Variants in TMEM51 observed in about 807,000 individuals in gnomAD.
The protein encoded by TMEM51 is chromosome 1 open reading frame 72.
A neutral mutation model predicts 13.6 loss-of-function variants in TMEM51; 8 were observed. The observed-to-expected ratio is 0.59, with a 90% CI of 0.35 to 1.07. The LOEUF (loss-of-function observed/expected upper bound fraction) is 1.07. Ranked by LOEUF, TMEM51 falls within the 50% of genes least tolerant of loss-of-function variation. The pLI, the probability that TMEM51 is intolerant of heterozygous loss-of-function variation, is 0.02. For synonymous variants in TMEM51, 147 were observed against 144.4 expected (o/e 1.02, Z -0.13); for missense variants, 279 against 330.7 (o/e 0.84, Z 1.21).
chr1:15,176,336 G>C (rs567205135), intron 1 of TMEM51, among the ~76,000 whole-genome samples: 2 of 152,332 alleles, frequency 1.3e-5, no homozygotes, highest in East Asian at 3.9e-4. Context: ...TTTAGTTAGA[G>C]AGAGAAAGCG....
chr1:15,188,144 G>A lies in TMEM51; in HGVS notation c.-266-22346G>A, dbSNP rs537441399. 6.9e-4 allele frequency among the ~76,000 whole-genome samples: 105 copies of A among 152,344 alleles called. 3 individuals carry two copies. The highest frequency in any genetic ancestry group is 6.8e-3 in the Admixed American group (104 of 15,306). On this transcript the variant is annotated intron_variant, in intron 1 of 3. Coordinates refer to ENST00000376008, the MANE Select transcript of TMEM51 (RefSeq NM_001136218.2). ...TCTGGGTCCAGTGGTACCCTCTGGA[G>A]TTTCTCTGAATCTCCACCTCGGCTC...
At chr1:15,164,659 A>C (rs1195582119) in intron 1 of TMEM51, among the ~76,000 whole-genome samples, 1 of 152,028 alleles carries the variant, frequency 6.6e-6, no homozygotes, top group Admixed American at 6.6e-5. Flanking sequence ...TATAAAAGAG[A>C]TTATTGAAAC....
At chr1:15,176,886 C>A (rs1188058840) in intron 1 of TMEM51, among the ~76,000 whole-genome samples, 1 of 152,102 alleles carries the variant, frequency 6.6e-6, no homozygotes, top group African/African-American at 2.4e-5. Flanking sequence ...ATCAGCCAGG[C>A]CTGAGAAGTG....
chr1:15,174,313 G>T (rs1396037739), intron 1 of TMEM51, among the ~76,000 whole-genome samples: 2 of 152,090 alleles, frequency 1.3e-5, no homozygotes, highest in Non-Finnish European at 2.9e-5. Context: ...CTTGATCGTG[G>T]CTCACTACAG....
At chr1:15,215,544 T>A in intron 3 of TMEM51, 113 bp downstream of exon 3, 1 of 1,061,588 alleles carries the variant, frequency 9.4e-7, no homozygotes. Flanking sequence ...GGCTTTATTG[T>A]CCCATGTTCG....
At chr1:15,154,873 G>GGC (rs1420004638) in intron 1 of TMEM51, among the ~76,000 whole-genome samples, 3 of 151,928 alleles carry the variant, frequency 2.0e-5, no homozygotes, top group Admixed American at 1.3e-4. Flanking sequence ...TGGGAACCCG[G>GGC]GCGCTGCCGG....
At chr1:15,168,534 C>A in intron 1 of TMEM51, 1 of 1,304,752 alleles carries the variant, frequency 7.7e-7, no homozygotes, top group Non-Finnish European at 1.0e-6. Context: ...CTGGTAGAAC[C>A]ACTGATTTAA....
At chr1:15,178,916 T>C (rs1203757800) in intron 1 of TMEM51, among the ~76,000 whole-genome samples, 1 of 152,238 alleles carries the variant, frequency 6.6e-6, no homozygotes, top group African/African-American at 2.4e-5. Flanking sequence ...GTTATCTCCA[T>C]GGGCTTTTAG....
At chr1:15,158,060 TG>T (rs2100806953) in intron 1 of TMEM51, among the ~76,000 whole-genome samples, 1 of 152,326 alleles carries the variant, frequency 6.6e-6, no homozygotes, top group Non-Finnish European at 1.5e-5. Flanking sequence ...CCCAAAGTGC[TG>T]GGATTCCAGG....
chr1:15,166,374 G>A (rs2100824751), intron 1 of TMEM51, among the ~76,000 whole-genome samples: 1 of 152,292 alleles, frequency 6.6e-6, no homozygotes, highest in East Asian at 1.9e-4. Context: ...AGGAAGCTGA[G>A]ATAGGAGCAT....
At chr1:15,171,894 T>A (rs1025609049) in intron 1 of TMEM51, among the ~76,000 whole-genome samples, 2 of 152,064 alleles carry the variant, frequency 1.3e-5, no homozygotes. Context: ...CAGAAACAGA[T>A]GTGGTCCATC....
Position 15,160,521 on chromosome 1 carries a change from G to C in TMEM51, c.-267+6567G>C, listed in dbSNP as rs542010805. 2.4e-4 allele frequency among the ~76,000 whole-genome samples: 37 copies of C among 152,096 alleles called. 1 individual carries two copies. The highest frequency in any genetic ancestry group is 8.9e-4 in the African/African-American group (37 of 41,382). The stretch of plus-strand genomic sequence containing the variant: ...ACTCCTGACCTCAAGTGATCCACCT[G>C]CCTCAGCCTCTCAAAGTGCTAGGAT... On this transcript the variant is annotated intron_variant, in intron 1 of 3. Coordinates refer to ENST00000376008, the MANE Select transcript of TMEM51 (RefSeq NM_001136218.2).
intron 1 of TMEM51, among the ~76,000 whole-genome samples, chr1:15,193,115 C>T (rs867456527): frequency 2.0e-5 from 3 of 152,198 alleles, no homozygotes; most frequent in Non-Finnish European, 4.4e-5. Flanking sequence ...CGTAGCAGCC[C>T]GCAGAGGGCC....
Position 15,214,874 on chromosome 1 carries a change from CTCTT to C in TMEM51, c.-193-17_-193-14del. The C allele has an allele frequency of 1.7e-6, 1 of 577,184 alleles. No homozygotes were observed. Among genetic ancestry groups the C allele is most frequent in the African/African-American group, 1.9e-5 (1 of 53,678 alleles). 35.8% of individuals were successfully genotyped at this position (577,184 alleles called of 1,614,324 possible). On this transcript the variant is annotated splice_polypyrimidine_tract_variant and intron_variant, in intron 2 of 3. Transcript: ENST00000376008. ...GAATCGGAACTGATCGTCCTCTCTGCTCTTTCTGCTTTCCTTCCAGGCCCTTCCA... is the reference window on the plus strand; with the variant it reads ...GAATCGGAACTGATCGTCCTCTCTGCTCTGCTTTCCTTCCAGGCCCTTCCA...
At chr1:15,205,964 A>C (rs1220823217) in intron 1 of TMEM51, among the ~76,000 whole-genome samples, 1 of 152,206 alleles carries the variant, frequency 6.6e-6, no homozygotes, top group Non-Finnish European at 1.5e-5. Context: ...GTTCAGGTCC[A>C]GTAGCTCATG....
intron 1 of TMEM51, chr1:15,164,235 C>T (rs1257531453): frequency 2.4e-6 from 1 of 415,940 alleles, no homozygotes; most frequent in East Asian, 7.2e-5. Flanking sequence ...GGATTTCCCA[C>T]TGCATTTTTA....
intron 1 of TMEM51, among the ~76,000 whole-genome samples, chr1:15,170,273 T>TCCTCCTTTC (rs968528898): frequency 6.6e-6 from 1 of 151,796 alleles, no homozygotes; most frequent in African/African-American, 2.4e-5. Context: ...CAAGCCAACT[T>TCCTCCTTTC]CCTCCTTTCC....
intron 1 of TMEM51, among the ~76,000 whole-genome samples, chr1:15,186,263 G>C (rs920460644): frequency 6.6e-6 from 1 of 152,232 alleles, no homozygotes; most frequent in Non-Finnish European, 1.5e-5. Context: ...GAAGTAACTG[G>C]ATAGAAAATG....
chr1:15,210,201 C>T (rs1282975971), intron 1 of TMEM51, among the ~76,000 whole-genome samples: 1 of 152,130 alleles, frequency 6.6e-6, no homozygotes, highest in Non-Finnish European at 1.5e-5. Flanking sequence ...TATAAGATGA[C>T]CTGAGAGTAT....
Sources: allele counts gnomAD v4.1 joint callset (sites outside exome capture counted in the v4.1 genomes callset), GRCh38; gene constraint gnomAD v4.1.1; transcripts MANE v1.5; gene names NCBI Gene and HGNC (gene_info 2026-07-23, HGNC 2026-07-21).